LEKR1: variants seen among roughly 807,000 people sequenced by gnomAD.
LEKR1 encodes the protein protein LEKR1.
A neutral mutation model predicts 72.4 loss-of-function variants in LEKR1; 59 were observed. The ratio of observed to expected loss-of-function variants is 0.82; its 90% CI spans 0.66 to 1.01. The LOEUF (loss-of-function observed/expected upper bound fraction) is 1.01. LEKR1 is among the 50% of genes least tolerant of loss of function. The probability of loss-of-function intolerance (pLI) is 0.00; values close to 1 mark genes in which losing one functional copy is unlikely to be tolerated. For missense variants in LEKR1, 728 were observed against 759.2 expected (o/e 0.96, Z 0.48); for synonymous variants, 257 against 263.2 (o/e 0.98, Z 0.23).
chr3:157,015,480 A>G (rs1400115216), intron 10 of LEKR1, among the ~76,000 whole-genome samples: 2 of 152,202 alleles, frequency 1.3e-5, no homozygotes, highest in East Asian at 3.8e-4. Context: ...TTGCATCACA[A>G]GTTGAGAATA....
In LEKR1 at chr3:156,985,559, G is replaced by T. The variant is rs545457670; in HGVS notation, c.827+6284G>T. 8.3e-4 allele frequency among the ~76,000 whole-genome samples: 126 copies of T among 152,292 alleles called. 1 individual carries two copies. The highest frequency in any genetic ancestry group is 3.0e-3 in the African/African-American group (124 of 41,560). On this transcript the variant is annotated intron_variant, in intron 7 of 12. Transcript: ENST00000356539. ...ATGCGATTAAGAATTTTGAGGCCAG[G>T]CGTAGTGGCTCATACCTGTAATCCC...
intron 3 of LEKR1, among the ~76,000 whole-genome samples, chr3:156,860,530 T>A (rs1716648038): frequency 6.6e-6 from 1 of 152,154 alleles, no homozygotes; most frequent in Non-Finnish European, 1.5e-5. Context: ...GGTCCAGAGA[T>A]CCAGACTGAG....
intron 2 of LEKR1, among the ~76,000 whole-genome samples, chr3:156,845,039 G>A (rs948790393): frequency 6.6e-6 from 1 of 151,768 alleles, no homozygotes; most frequent in African/African-American, 2.4e-5. Context: ...TGTCAGTGAT[G>A]TGTAGTGAGT....
chr3:156,993,462 G>C (rs1260671397), intron 9 of LEKR1, among the ~76,000 whole-genome samples, 185 bp downstream of exon 9: 1 of 151,952 alleles, frequency 6.6e-6, no homozygotes, highest in Non-Finnish European at 1.5e-5. Context: ...TGAAGCTCCA[G>C]TTGGTTACAT....
intron 2 of LEKR1, among the ~76,000 whole-genome samples, chr3:156,832,335 C>T (rs1470523237): frequency 6.6e-6 from 1 of 152,166 alleles, no homozygotes; most frequent in Non-Finnish European, 1.5e-5. Flanking sequence ...AGCAGAGACT[C>T]AAACATAGTG....
intron 2 of LEKR1, among the ~76,000 whole-genome samples, chr3:156,835,417 A>T (rs1320980313): frequency 6.6e-6 from 1 of 152,258 alleles, no homozygotes; most frequent in Non-Finnish European, 1.5e-5. Context: ...GCAGAGCTGT[A>T]AGATAGAACA....
At chr3:157,033,914 C>G (rs1734791453) in intron 12 of LEKR1, among the ~76,000 whole-genome samples, 1 of 152,118 alleles carries the variant, frequency 6.6e-6, no homozygotes, top group African/African-American at 2.4e-5. Flanking sequence ...TCCCAAAAAT[C>G]CTAACACCCT....
At chr3:156,993,566 G>A (rs78029530) in intron 9 of LEKR1, among the ~76,000 whole-genome samples, 1 of 151,044 alleles carries the variant, frequency 6.6e-6, no homozygotes, top group African/African-American at 2.4e-5. Flanking sequence ...ATCAGACCAC[G>A]TGTGATACTT....
chr3:156,917,506 A>G (rs1291030827), intron 3 of LEKR1, among the ~76,000 whole-genome samples: 2 of 152,130 alleles, frequency 1.3e-5, no homozygotes, highest in African/African-American at 4.8e-5. Context: ...AGCAGGGGGA[A>G]GGGTGGGGGG....
chr3:157,012,450 A>C (rs1237031764), intron 10 of LEKR1, among the ~76,000 whole-genome samples: 1 of 152,154 alleles, frequency 6.6e-6, no homozygotes, highest in African/African-American at 2.4e-5. Context: ...TAACCTCAGC[A>C]ACAAGCAGTG....
chr3:156,852,625 G>A lies in LEKR1; in HGVS notation c.49-143G>A, dbSNP rs1394550253. 9 of 423,322 alleles carry A rather than the reference G, an allele frequency of 2.1e-5. No individual in the cohort carries two copies. In the East Asian group the frequency reaches 3.1e-4, roughly 15 times the overall value. The allele number at this position is 423,322 out of a possible 1,614,324, so 26.2% of individuals were successfully genotyped here. A position where few individuals can be genotyped will look rare whatever the true frequency, so the allele number is the denominator to read the frequency against. ...TGCCAGTTTAAAATTTTTTATACAAGTGTTAGCAATGTCGTAATTATTGCT... is the reference window on the plus strand; with the variant it reads ...TGCCAGTTTAAAATTTTTTATACAAATGTTAGCAATGTCGTAATTATTGCT... On this transcript the variant is annotated intron_variant, in intron 2 of 12. Transcript: ENST00000356539.
chr3:156,861,159 ATTTTTCTCCAGAG>A (rs1716722462), intron 3 of LEKR1, among the ~76,000 whole-genome samples: 1 of 152,104 alleles, frequency 6.6e-6, no homozygotes, highest in African/African-American at 2.4e-5. Context: ...GGGCCATTAG[ATTTTTCTCCAGAG>A]TATAATGTGT....
At chr3:157,026,621 A>G (rs901953543) in intron 11 of LEKR1, among the ~76,000 whole-genome samples, 1 of 152,208 alleles carries the variant, frequency 6.6e-6, no homozygotes, top group African/African-American at 2.4e-5. Context: ...CTTCTCACAC[A>G]AGTTATTCTT....
chr3:156,851,460 A>G (rs1715352070), intron 2 of LEKR1, among the ~76,000 whole-genome samples: 1 of 152,188 alleles, frequency 6.6e-6, no homozygotes, highest in African/African-American at 2.4e-5. Context: ...AGGATAGGCA[A>G]CAACATATTT....
intron 3 of LEKR1, among the ~76,000 whole-genome samples, chr3:156,885,043 G>T (rs1018795422): frequency 6.6e-6 from 1 of 152,066 alleles, no homozygotes; most frequent in East Asian, 1.9e-4. Context: ...GAGCTCTGAA[G>T]TTCTTTCTTC....
At chr3:156,904,915 T>G (rs1005856343) in intron 3 of LEKR1, among the ~76,000 whole-genome samples, 2 of 152,066 alleles carry the variant, frequency 1.3e-5, no homozygotes, top group South Asian at 4.1e-4. Flanking sequence ...AGATCTATTA[T>G]TTTAATAGAC....
chr3:157,033,391 A>G (rs1186966719), intron 12 of LEKR1, among the ~76,000 whole-genome samples: 1 of 152,230 alleles, frequency 6.6e-6, no homozygotes, highest in Admixed American at 6.5e-5. Flanking sequence ...GAATACATGA[A>G]TGATAAGAAA....
At chr3:156,839,063 G>A (rs188587873) in intron 2 of LEKR1, among the ~76,000 whole-genome samples, 37 of 152,248 alleles carry the variant, frequency 2.4e-4, no homozygotes, top group African/African-American at 7.7e-4. Context: ...AGGAGGAGAC[G>A]TGAGCACCAG....
chr3:156,851,922 CAG>C (rs1715413815), intron 2 of LEKR1, among the ~76,000 whole-genome samples: 2 of 152,036 alleles, frequency 1.3e-5, no homozygotes, highest in South Asian at 4.1e-4. Flanking sequence ...ATACCTGAAA[CAG>C]AAAAAAGAAC....
Sources: gnomAD v4.1 joint callset for allele counts (sites outside exome capture counted in the v4.1 genomes callset) on GRCh38, gnomAD v4.1.1 for gene constraint, MANE v1.5 for transcripts, NCBI Gene and HGNC (gene_info 2026-07-23, HGNC 2026-07-21) for gene names.